The following COL25A1 variants were observed in gnomAD, a reference collection of about 807,000 sequenced individuals.
COL25A1 encodes collagen type XXV alpha 1 chain.
COL25A1 carries 103 observed loss-of-function variants against 128.4 expected under a neutral mutation model. The observed-to-expected ratio is 0.80, with a 90% CI of 0.68 to 0.94. COL25A1 has a LOEUF of 0.94. COL25A1 is among the 40% of genes least tolerant of loss of function. The pLI, the probability that COL25A1 is intolerant of heterozygous loss-of-function variation, is 0.00. For synonymous variants in COL25A1, 279 were observed against 277.2 expected (o/e 1.01, Z -0.06); for missense variants, 745 against 840.0 (o/e 0.89, Z 1.40).
intron 3 of COL25A1, among the ~76,000 whole-genome samples, chr4:109,289,266 C>T (rs1724226515): frequency 6.6e-6 from 1 of 151,934 alleles, no homozygotes; most frequent in Non-Finnish European, 1.5e-5. Flanking sequence ...GTCCGTTTTG[C>T]CTCCCTTTGT....
chr4:108,938,638 C>T (rs28410993), intron 10 of COL25A1, among the ~76,000 whole-genome samples: 7,056 of 152,190 alleles, frequency 0.046, 437 homozygotes, highest in African/African-American at 0.14. Flanking sequence ...GGGCAGATCA[C>T]GAGGTCAGGA....
chr4:109,248,364 T>C (rs1309559118), intron 3 of COL25A1, among the ~76,000 whole-genome samples: 2 of 152,186 alleles, frequency 1.3e-5, no homozygotes, highest in African/African-American at 4.8e-5. Context: ...GAATATATCT[T>C]GATCCTAGAA....
At chr4:108,825,498 T>C (rs1443794329) in intron 33 of COL25A1, among the ~76,000 whole-genome samples, 2 of 152,014 alleles carry the variant, frequency 1.3e-5, no homozygotes, top group Non-Finnish European at 2.9e-5. Flanking sequence ...AAGTAAAAAA[T>C]ACTGTTTAGT....
At chr4:109,253,912 CCT>C (rs1313137275) in intron 3 of COL25A1, among the ~76,000 whole-genome samples, 1 of 151,876 alleles carries the variant, frequency 6.6e-6, no homozygotes, top group Non-Finnish European at 1.5e-5. Context: ...ACGGTGAAAC[CCT>C]GTCTCTACTA....
Position 108,917,591 on chromosome 4 carries a change from C to A in COL25A1, c.780+581G>T, listed in dbSNP as rs1409379635. Among the ~76,000 whole-genome samples the A allele has an allele frequency of 3.9e-5, 6 of 152,194 alleles. 1 individual carries two copies. Among genetic ancestry groups the A allele is most frequent in the Non-Finnish European group, 7.3e-5 (5 of 68,032 alleles). Reference sequence around the variant, plus strand: ...ATGTTGCAGGAGTAAATGTACACAACACATAGATATGTGTATGTAGACTGT... The same window carrying A: ...ATGTTGCAGGAGTAAATGTACACAAAACATAGATATGTGTATGTAGACTGT... On this transcript the variant is annotated intron_variant, in intron 13 of 37. Transcript: ENST00000399132.
chr4:109,074,891 C>T (rs566644728), intron 3 of COL25A1, among the ~76,000 whole-genome samples: 3 of 152,190 alleles, frequency 2.0e-5, no homozygotes, highest in Admixed American at 6.5e-5. Context: ...AAGAAGTATG[C>T]GCATGACTTA....
intron 3 of COL25A1, among the ~76,000 whole-genome samples, chr4:109,071,342 C>A (rs900204888): frequency 6.6e-6 from 1 of 152,086 alleles, no homozygotes; most frequent in Non-Finnish European, 1.5e-5. Flanking sequence ...ACCATAAAAA[C>A]CCTAGAAGAA....
At chr4:109,209,029 A>G (rs747264596) in intron 3 of COL25A1, among the ~76,000 whole-genome samples, 1 of 152,200 alleles carries the variant, frequency 6.6e-6, no homozygotes, top group Non-Finnish European at 1.5e-5. Context: ...TATTTCTTCC[A>G]TTTACATGAC....
At chr4:108,878,098 G>C (rs1033059174) in intron 19 of COL25A1, among the ~76,000 whole-genome samples, 1 of 152,018 alleles carries the variant, frequency 6.6e-6, no homozygotes, top group Non-Finnish European at 1.5e-5. Flanking sequence ...AGAATTTACC[G>C]TCTGCTAAAT....
chr4:109,269,087 C>G (rs1451882267), intron 3 of COL25A1, among the ~76,000 whole-genome samples: 1 of 118,124 alleles, frequency 8.5e-6, no homozygotes, highest in African/African-American at 3.2e-5. Flanking sequence ...CCCCCCTCCC[C>G]CCACCCCACA....
chr4:109,028,270 A>G (rs1277383549), intron 5 of COL25A1, among the ~76,000 whole-genome samples: 2 of 152,056 alleles, frequency 1.3e-5, no homozygotes, highest in Admixed American at 6.6e-5. Flanking sequence ...CACCACACTC[A>G]GCTAATTTTC....
intron 19 of COL25A1, among the ~76,000 whole-genome samples, chr4:108,879,628 G>A (rs1739874317): frequency 6.6e-6 from 1 of 151,928 alleles, no homozygotes; most frequent in Non-Finnish European, 1.5e-5. Context: ...TGTATTTTTA[G>A]TAGAGATGTG....
chr4:108,868,901 GAGAAAAAGAA>G (rs200156087), intron 20 of COL25A1, among the ~76,000 whole-genome samples, 177 bp downstream of exon 20: 7,810 of 114,102 alleles, frequency 0.068, 242 homozygotes, highest in East Asian at 0.1. Flanking sequence ...TGGAAGGAAA[GAGAAAAAGAA>G]AGAAAGAGAA....
chr4:109,240,837 T>C (rs994421153), intron 3 of COL25A1, among the ~76,000 whole-genome samples: 2 of 152,018 alleles, frequency 1.3e-5, no homozygotes, highest in African/African-American at 4.8e-5. Context: ...TGTCCAGGAG[T>C]CTGGGAGTTC....
intron 3 of COL25A1, among the ~76,000 whole-genome samples, chr4:109,118,361 G>T (rs966745373): frequency 8.4e-5 from 10 of 118,638 alleles, no homozygotes; most frequent in African/African-American, 4.2e-4. Flanking sequence ...TTAAACATTC[G>T]CACCACAAAA....
At chr4:109,093,297 G>A (rs1004645070) in intron 3 of COL25A1, among the ~76,000 whole-genome samples, 13 of 151,942 alleles carry the variant, frequency 8.6e-5, no homozygotes, top group Non-Finnish European at 1.8e-4. Flanking sequence ...ATCATTTGAC[G>A]TCTCAATTAA....
At chr4:109,055,517 C>CT (rs2125952468) in intron 3 of COL25A1, among the ~76,000 whole-genome samples, 1 of 152,342 alleles carries the variant, frequency 6.6e-6, no homozygotes, top group Non-Finnish European at 1.5e-5. Flanking sequence ...AATGCACTGC[C>CT]TGTCAGTTTT....
chr4:108,986,143 T>G (rs1753650754), intron 6 of COL25A1, among the ~76,000 whole-genome samples: 1 of 152,210 alleles, frequency 6.6e-6, no homozygotes, highest in African/African-American at 2.4e-5. Flanking sequence ...TATTCCTGGA[T>G]AACTGGAATA....
chr4:108,911,856 C>A (rs113777375), intron 13 of COL25A1, among the ~76,000 whole-genome samples: 22 of 144,308 alleles, frequency 1.5e-4, no homozygotes, highest in Non-Finnish European at 3.1e-4. Context: ...TCCTCAGCTA[C>A]CCCTATTCTC....
Sources: gnomAD v4.1 joint callset for allele counts (sites outside exome capture counted in the v4.1 genomes callset) on GRCh38, gnomAD v4.1.1 for gene constraint, MANE v1.5 for transcripts, NCBI Gene and HGNC (gene_info 2026-07-23, HGNC 2026-07-21) for gene names.